The following CDC42SE2 variants were observed in gnomAD, a reference collection of about 807,000 sequenced individuals.
CDC42SE2 encodes CDC42 small effector protein 2.
Under a neutral mutation model 11.5 loss-of-function variants are expected in CDC42SE2, and 3 were observed. That is an observed-to-expected ratio of 0.26 (90% CI 0.12 to 0.67). The LOEUF (loss-of-function observed/expected upper bound fraction) is 0.67, where lower values mean the gene tolerates loss of function less well. CDC42SE2 is among the 30% of genes least tolerant of loss of function. The pLI, the probability that CDC42SE2 is intolerant of heterozygous loss-of-function variation, is 0.80. For synonymous variants in CDC42SE2, 33 were observed against 34.8 expected, an observed-to-expected ratio of 0.95 and a Z score of 0.18; for missense variants, 82 against 106.8, an observed-to-expected ratio of 0.77 and a Z score of 1.02.
At chr5:131,312,329 T>A (rs1420490694) in intron 1 of CDC42SE2, among the ~76,000 whole-genome samples, 2 of 152,008 alleles carry the variant, frequency 1.3e-5, no homozygotes, top group Non-Finnish European at 2.9e-5. Flanking sequence ...GTGCTGGGAG[T>A]GCCAGTGCTC....
At chr5:131,254,678 G>A (rs1033882266) in intron 1 of CDC42SE2, among the ~76,000 whole-genome samples, 1 of 95,992 alleles carries the variant, frequency 1.0e-5, no homozygotes, top group Admixed American at 1.3e-4. Flanking sequence ...ATAATGGGTA[G>A]GTTAACTTAG....
chr5:131,243,049 T>C (rs1409038869), upstream of CDC42SE2, among the ~76,000 whole-genome samples: 8 of 152,330 alleles, frequency 5.3e-5, no homozygotes, highest in Non-Finnish European at 2.9e-5. Flanking sequence ...CTTAGTCCTT[T>C]TAGGGACAGT....
At chr5:131,335,632 C>A (rs111628299) in intron 2 of CDC42SE2, among the ~76,000 whole-genome samples, 1 of 152,164 alleles carries the variant, frequency 6.6e-6, no homozygotes, top group Non-Finnish European at 1.5e-5. Flanking sequence ...TAAGGACTTG[C>A]TTTATGAATC....
chr5:131,274,559 C>T (rs929131052), intron 1 of CDC42SE2, among the ~76,000 whole-genome samples: 11 of 152,196 alleles, frequency 7.2e-5, no homozygotes, highest in Non-Finnish European at 1.3e-4. Context: ...GCAACAAGGG[C>T]GATCTTTTGA....
At chr5:131,359,596 T>C (rs757223623) in intron 3 of CDC42SE2, 49 bp downstream of exon 3, 5 of 1,345,082 alleles carry the variant, frequency 3.7e-6, no homozygotes, top group Admixed American at 3.4e-5. Context: ...TATTAAACTT[T>C]CCACTGGTTC....
chr5:131,317,952 G>C (rs111306371), intron 2 of CDC42SE2, among the ~76,000 whole-genome samples: 1 of 150,882 alleles, frequency 6.6e-6, no homozygotes, highest in Non-Finnish European at 1.5e-5. Flanking sequence ...GTCTCACTCT[G>C]TTGCCCAGGC....
chr5:131,352,048 T>C (rs1416670490), intron 2 of CDC42SE2, among the ~76,000 whole-genome samples: 1 of 152,128 alleles, frequency 6.6e-6, no homozygotes, highest in African/African-American at 2.4e-5. Flanking sequence ...AGACTTAATA[T>C]CACCAGTTAT....
At chr5:131,351,659 C>G (rs1369440928) in intron 2 of CDC42SE2, among the ~76,000 whole-genome samples, 3 of 151,928 alleles carry the variant, frequency 2.0e-5, no homozygotes, top group African/African-American at 7.3e-5. Flanking sequence ...TAAAAAATAG[C>G]CTTTATACTG....
intron 3 of CDC42SE2, among the ~76,000 whole-genome samples, chr5:131,362,833 C>T (rs1255222747): frequency 1.3e-5 from 2 of 152,066 alleles, no homozygotes; most frequent in Admixed American, 1.3e-4. Context: ...GGTTGCTGCC[C>T]TGCAATTTAA....
intron 1 of CDC42SE2, among the ~76,000 whole-genome samples, chr5:131,248,070 T>A (rs772336739): frequency 6.6e-6 from 1 of 152,182 alleles, no homozygotes; most frequent in Non-Finnish European, 1.5e-5. Flanking sequence ...ATTAAGAGTA[T>A]CTATACTAGA....
intron 2 of CDC42SE2, among the ~76,000 whole-genome samples, chr5:131,358,090 T>A (rs1749603771): frequency 6.6e-6 from 1 of 152,234 alleles, no homozygotes; most frequent in Non-Finnish European, 1.5e-5. Flanking sequence ...GAGGACTCTG[T>A]TGAGCACACT....
intron 1 of CDC42SE2, among the ~76,000 whole-genome samples, chr5:131,289,010 C>T (rs984341645): frequency 2.6e-5 from 4 of 152,048 alleles, no homozygotes; most frequent in African/African-American, 7.2e-5. Flanking sequence ...TGTTTTGGCT[C>T]CTGTATTCTA....
chr5:131,233,880 G>C, the CDC42SE2 span, among the ~76,000 whole-genome samples: 1 of 151,970 alleles, frequency 6.6e-6, no homozygotes, highest in African/African-American at 2.4e-5. Flanking sequence ...TTTATTGGTG[G>C]ATGTTGATAC....
chr5:131,305,112 A>G lies in CDC42SE2; in HGVS notation c.-454-10864A>G, dbSNP rs1364237619. Among the ~76,000 whole-genome samples the G allele has an allele frequency of 4.3e-5, 4 of 92,962 alleles. No individual in the cohort carries two copies. In the East Asian group the frequency reaches 1.1e-3, roughly 25 times the overall value. The allele number at this position is 92,962 out of a possible 152,430, so 61.0% of individuals were successfully genotyped here. A position where few individuals can be genotyped will look rare whatever the true frequency, so the allele number is the denominator to read the frequency against. ...TATTTTCTAGAATTTTGTATAAATT[A>G]TACAGTATATACTCTTTGTGTGGCT... On this transcript the variant is annotated intron_variant, in intron 1 of 4. Coordinates refer to ENST00000505065, the MANE Select transcript of CDC42SE2 (RefSeq NM_001375635.1).
At chr5:131,364,776 T>TG (rs1478149178) in intron 3 of CDC42SE2, among the ~76,000 whole-genome samples, 5 of 152,172 alleles carry the variant, frequency 3.3e-5, no homozygotes. Flanking sequence ...CATTTGTTGT[T>TG]GTTCTGATGT....
chr5:131,251,087 A>G (rs1372669849), intron 1 of CDC42SE2, among the ~76,000 whole-genome samples: 2 of 152,248 alleles, frequency 1.3e-5, no homozygotes, highest in East Asian at 1.9e-4. Context: ...AAAAGAATAT[A>G]TAGATACAAT....
intron 3 of CDC42SE2, among the ~76,000 whole-genome samples, chr5:131,382,310 T>A (rs1750349969): frequency 6.6e-6 from 1 of 152,210 alleles, no homozygotes; most frequent in South Asian, 2.1e-4. Flanking sequence ...TTAATACCCT[T>A]CTTTCACAAG....
chr5:131,294,652 T>C (rs1757530114), intron 1 of CDC42SE2, among the ~76,000 whole-genome samples: 1 of 152,072 alleles, frequency 6.6e-6, no homozygotes, highest in Admixed American at 6.6e-5. Flanking sequence ...GAGATTGCAG[T>C]TATAAATAGG....
intron 1 of CDC42SE2, among the ~76,000 whole-genome samples, chr5:131,267,000 C>G (rs1317538174): frequency 1.0e-5 from 1 of 95,346 alleles, no homozygotes; most frequent in East Asian, 3.3e-4. Context: ...CATCAGAATT[C>G]TTGACAATCA....
Sources: gnomAD v4.1 joint callset for allele counts (sites outside exome capture counted in the v4.1 genomes callset) on GRCh38, gnomAD v4.1.1 for gene constraint, MANE v1.5 for transcripts, NCBI Gene and HGNC (gene_info 2026-07-23, HGNC 2026-07-21) for gene names.